Variants in GNAI1 observed in about 807,000 individuals in gnomAD.
GNAI1 encodes the protein guanine nucleotide-binding protein G(i) subunit alpha-1.
Under a neutral mutation model 38.9 loss-of-function variants are expected in GNAI1, and 11 were observed. The observed-to-expected ratio is 0.28, with a 90% CI of 0.18 to 0.47. The LOEUF (loss-of-function observed/expected upper bound fraction) is 0.47. Among genes scored for constraint, GNAI1 ranks in the 20% least tolerant of loss-of-function variants. GNAI1 has a pLI of 0.99. For synonymous variants in GNAI1, 166 were observed against 145.1 expected (o/e 1.14, Z -1.04); for missense variants, 317 against 436.9 (o/e 0.73, Z 2.45).
chr7:80,194,754 A>G (rs1340722951), intron 3 of GNAI1, among the ~76,000 whole-genome samples: 2 of 152,074 alleles, frequency 1.3e-5, no homozygotes, highest in South Asian at 4.1e-4. Flanking sequence ...TTATCATGTA[A>G]TAAGTTCAGA....
intron 4 of GNAI1, among the ~76,000 whole-genome samples, chr7:80,203,363 A>G (rs1295597940): frequency 6.6e-6 from 1 of 152,190 alleles, no homozygotes; most frequent in African/African-American, 2.4e-5. Context: ...AAGGTGTGAT[A>G]AAGAATTCTA....
In GNAI1 at chr7:80,218,437, G is replaced by A. The variant is rs1469528874; in HGVS notation, c.*944G>A. The A allele has an allele frequency of 2.6e-5, 4 of 151,496 alleles. No homozygotes were observed. Among genetic ancestry groups the A allele is most frequent in the Non-Finnish European group, 4.4e-5 (3 of 67,832 alleles). 9.4% of individuals were successfully genotyped at this position (151,496 alleles called of 1,614,324 possible). A position where few individuals can be genotyped will look rare whatever the true frequency, so the allele number is the denominator to read the frequency against. ...TTGGAGGGATCCTAAGAGCATTTTT[G>A]TGGGTAAAAAAAAAACCTGTGGACA... On this transcript the variant is annotated 3_prime_UTR_variant, in exon 8 of 8. Coordinates refer to ENST00000649796, the MANE Select transcript of GNAI1 (RefSeq NM_002069.6).
chr7:80,135,618 A>C, intron 1 of GNAI1: 1 of 213,870 alleles, frequency 4.7e-6, no homozygotes, highest in Non-Finnish European at 8.2e-6. Flanking sequence ...TGTAAAGATG[A>C]AGGGGCATTC....
rs1263231225 is a variant in GNAI1 at position 80,225,142 on chromosome 7, A to G, written c.*7649A>G. On this transcript the variant is annotated 3_prime_UTR_variant, in exon 8 of 8. Coordinates refer to ENST00000649796, the MANE Select transcript of GNAI1 (RefSeq NM_002069.6). The stretch of plus-strand genomic sequence containing the variant: ...CTTGGGAAATGGTGGGCCTCAGTAA[A>G]GACTTGGACTATTCCAGTTTTAAAT... 6.6e-6 allele frequency among the ~76,000 whole-genome samples: 1 copy of G among 152,226 alleles called. No homozygotes were observed. The highest frequency in any genetic ancestry group is 1.5e-5 in the Non-Finnish European group (1 of 68,040).
At position 80,177,342 on chromosome 7, in the gene GNAI1, T is replaced by C. The variant is rs182599205; in HGVS notation, c.119-11609T>C. Among the ~76,000 whole-genome samples the C allele has an allele frequency of 3.9e-4, 59 of 152,302 alleles. No individual in the cohort carries two copies. In the East Asian group the frequency reaches 9.9e-3, roughly 25 times the overall value. ...ACCGCGCCCGGCCAGCGTATCTTTT[T>C]AGAGCGTGGTTTTCCTAATATCTTA... On this transcript the variant is annotated intron_variant, in intron 1 of 7. Transcript: ENST00000649796.
At chr7:80,202,794 C>G (rs1413703101) in intron 4 of GNAI1, among the ~76,000 whole-genome samples, 1 of 152,160 alleles carries the variant, frequency 6.6e-6, no homozygotes, top group African/African-American at 2.4e-5. Flanking sequence ...TTCCAAACTC[C>G]TCATTTAAGG....
chr7:80,186,415 G>A (rs1323992120), intron 1 of GNAI1, among the ~76,000 whole-genome samples: 2 of 152,060 alleles, frequency 1.3e-5, no homozygotes, highest in African/African-American at 2.4e-5. Flanking sequence ...TAAGCTAAGC[G>A]TCCCATGTTC....
chr7:80,211,576 A>G (rs747471192), intron 6 of GNAI1, among the ~76,000 whole-genome samples: 1 of 151,770 alleles, frequency 6.6e-6, no homozygotes, highest in African/African-American at 2.4e-5. Flanking sequence ...GTGCCACCAC[A>G]CCCAGCTGAT....
intron 1 of GNAI1, among the ~76,000 whole-genome samples, chr7:80,143,417 T>G (rs572252750): frequency 7.9e-5 from 12 of 152,208 alleles, no homozygotes; most frequent in Non-Finnish European, 1.6e-4. Flanking sequence ...TTCATGTATT[T>G]CTGAACCTAC....
At chr7:80,143,745 C>T (rs1310786381) in intron 1 of GNAI1, among the ~76,000 whole-genome samples, 1 of 152,090 alleles carries the variant, frequency 6.6e-6, no homozygotes, top group Admixed American at 6.6e-5. Flanking sequence ...GCTAATGCAT[C>T]TGAAGTACTT....
chr7:80,203,876 C>T (rs763539041), intron 5 of GNAI1, 44 bp downstream of exon 5: 6 of 1,115,250 alleles, frequency 5.4e-6, no homozygotes, highest in South Asian at 1.5e-5. Flanking sequence ...TAGATAAAAA[C>T]ACATTGCTTT....
rs1789005906 is a variant in GNAI1 at position 80,218,160 on chromosome 7, G to T, written c.*667G>T. The T allele has an allele frequency of 6.6e-6, 1 of 152,058 alleles. No homozygotes were observed. The highest frequency in any genetic ancestry group is 2.4e-5 in the African/African-American group (1 of 41,410). 9.4% of individuals were successfully genotyped at this position (152,058 alleles called of 1,614,324 possible). A position where few individuals can be genotyped will look rare whatever the true frequency, so the allele number is the denominator to read the frequency against. ...ACTATTTAAACATTGTATGCATTTT[G>T]ATTTTTCCTACTTTAAGAAAATAAA... On this transcript the variant is annotated 3_prime_UTR_variant, in exon 8 of 8. Transcript: ENST00000649796.
chr7:80,136,992 GT>G lies in GNAI1; in HGVS notation c.118+1719del, dbSNP rs1347441347. ...TGGGTAATTCTTTGTTCTCCAGGTT[GT>G]TTTTGTGCATTGTAGGATGTTCAGC... On this transcript the variant is annotated intron_variant, in intron 1 of 7. Coordinates refer to ENST00000649796, the MANE Select transcript of GNAI1 (RefSeq NM_002069.6). 5.3e-5 allele frequency among the ~76,000 whole-genome samples: 8 copies of G among 152,116 alleles called. No homozygotes were observed. The South Asian group carries it at 6.2e-4, about 12-fold the overall frequency.
At chr7:80,195,302 T>A (rs1788548834) in intron 3 of GNAI1, among the ~76,000 whole-genome samples, 1 of 151,996 alleles carries the variant, frequency 6.6e-6, no homozygotes, top group Admixed American at 6.6e-5. Context: ...AAAATTTATC[T>A]CTGCAATTTA....
At chr7:80,176,454 T>C (rs2115582825) in intron 1 of GNAI1, among the ~76,000 whole-genome samples, 1 of 152,374 alleles carries the variant, frequency 6.6e-6, no homozygotes. Flanking sequence ...ATTTTCAATG[T>C]AGGCAAAACA....
At chr7:80,154,258 C>T (rs1410288720) in intron 1 of GNAI1, among the ~76,000 whole-genome samples, 2 of 152,044 alleles carry the variant, frequency 1.3e-5, no homozygotes, top group African/African-American at 2.4e-5. Flanking sequence ...ATAAAAGGTG[C>T]ACTTTTAAAT....
intron 5 of GNAI1, among the ~76,000 whole-genome samples, chr7:80,207,861 A>G (rs752599474): frequency 8.5e-5 from 13 of 152,130 alleles, no homozygotes; most frequent in Admixed American, 2.0e-4. Context: ...ATTTATGGCC[A>G]GTGTCTATGT....
At chr7:80,166,732 C>T (rs1388922384) in intron 1 of GNAI1, among the ~76,000 whole-genome samples, 1 of 152,104 alleles carries the variant, frequency 6.6e-6, no homozygotes, top group African/African-American at 2.4e-5. Context: ...TTTGATATCT[C>T]CCACCTCTCA....
intron 6 of GNAI1, among the ~76,000 whole-genome samples, chr7:80,212,035 A>G (rs1434881047): frequency 1.3e-5 from 2 of 152,078 alleles, no homozygotes; most frequent in African/African-American, 2.4e-5. Flanking sequence ...TGCCTGCTGG[A>G]CTTGAGTGTA....
Sources: gnomAD v4.1 joint callset for allele counts (sites outside exome capture counted in the v4.1 genomes callset) on GRCh38, gnomAD v4.1.1 for gene constraint, MANE v1.5 for transcripts, NCBI Gene and HGNC (gene_info 2026-07-23, HGNC 2026-07-21) for gene names.